WDR27: variants seen among roughly 807,000 people sequenced by gnomAD.
WDR27 encodes WD repeat domain 27, also known as WD repeat-containing protein 27.
WDR27 carries 100 observed loss-of-function variants against 114.4 expected under a neutral mutation model. The observed-to-expected ratio is 0.87, with a 90% CI of 0.74 to 1.03. The LOEUF (loss-of-function observed/expected upper bound fraction) is 1.03, where lower values mean the gene tolerates loss of function less well. Ranked by LOEUF, WDR27 falls within the 50% of genes least tolerant of loss-of-function variation. The probability of loss-of-function intolerance (pLI) is 0.00; values close to 1 mark genes in which losing one functional copy is unlikely to be tolerated. For missense variants in WDR27, 1,129 were observed against 1,092.9 expected (o/e 1.03, Z -0.47); for synonymous variants, 449 against 423.1 (o/e 1.06, Z -0.75).
intron 18 of WDR27, among the ~76,000 whole-genome samples, chr6:169,636,909 A>G (rs1817769288): frequency 2.0e-5 from 3 of 152,226 alleles, no homozygotes; most frequent in Admixed American, 6.5e-5. Context: ...GCTCTCAGCA[A>G]ACTCCTTCCT....
chr6:169,612,631 T>TAAAAAAAAAA lies in WDR27; in HGVS notation c.2321+918_2321+927dup, dbSNP rs59134868. ...TGACAGAGCGAGACTCTGTCTAACATAAAAAAAAAAAAAAAAAAAAAAGCA... is the reference window on the plus strand; with the variant it reads ...TGACAGAGCGAGACTCTGTCTAACATAAAAAAAAAAAAAAAAAAAAAAAAAAAAAAAAGCA... On this transcript the variant is annotated intron_variant, in intron 22 of 25. Transcript: ENST00000448612. Among the ~76,000 whole-genome samples, 12 of 97,018 alleles carry TAAAAAAAAAA rather than the reference T, an allele frequency of 1.2e-4. 1 individual carries two copies. Among genetic ancestry groups the TAAAAAAAAAA allele is most frequent in the South Asian group, 4.3e-4 (1 of 2,320 alleles). 63.6% of individuals were successfully genotyped at this position (97,018 alleles called of 152,430 possible).
intron 25 of WDR27, among the ~76,000 whole-genome samples, chr6:169,461,607 C>T (rs1483699331): frequency 7.1e-6 from 1 of 140,354 alleles, no homozygotes; most frequent in African/African-American, 2.7e-5. Flanking sequence ...ACAGCAAGAG[C>T]AATGTTAAGG....
chr6:169,495,947 A>C (rs1479392672), intron 25 of WDR27, among the ~76,000 whole-genome samples: 2 of 151,990 alleles, frequency 1.3e-5, no homozygotes, highest in Non-Finnish European at 2.9e-5. Context: ...TGATATCAAA[A>C]CCAAAGATTC....
At chr6:169,658,169 G>A (rs933834330) in intron 13 of WDR27, 107 bp downstream of exon 13, 7 of 850,360 alleles carry the variant, frequency 8.2e-6, no homozygotes, top group South Asian at 4.4e-5. Flanking sequence ...AAGGAAGTAC[G>A]GAATGCATAT....
intron 22 of WDR27, among the ~76,000 whole-genome samples, chr6:169,605,434 T>C (rs1808945256): frequency 6.6e-6 from 1 of 151,568 alleles, no homozygotes; most frequent in Non-Finnish European, 1.5e-5. Flanking sequence ...CGGAAAACTA[T>C]AAAACATCAA....
At chr6:169,678,788 C>T (rs1239648777) in intron 2 of WDR27, among the ~76,000 whole-genome samples, 1 of 152,158 alleles carries the variant, frequency 6.6e-6, no homozygotes. Flanking sequence ...ATTTCCTTGC[C>T]ATACCTTGAA....
chr6:169,701,674 G>C lies in WDR27; in HGVS notation c.-131C>G, dbSNP rs1788110644. 5.8e-6 allele frequency: 1 copy of C among 171,688 alleles called. No individual in the cohort carries two copies. Among genetic ancestry groups the C allele is most frequent in the Non-Finnish European group, 1.3e-5 (1 of 79,366 alleles). The allele number at this position is 171,688 out of a possible 1,614,324, so 10.6% of individuals were successfully genotyped here. On this transcript the variant is annotated 5_prime_UTR_variant, in exon 1 of 26. Coordinates refer to ENST00000448612, the MANE Select transcript of WDR27 (RefSeq NM_182552.5). ...CCCCTGGAGACCCTCGCACTAGCAC[G>C]GCGTCAGGAGGAGGCTTCGGGTGAC...
the WDR27 span, among the ~76,000 whole-genome samples, chr6:169,440,901 C>T: frequency 6.6e-6 from 1 of 152,190 alleles, no homozygotes; most frequent in South Asian, 2.1e-4. Context: ...TTTTCATCTG[C>T]TGAGTTGGTT....
At chr6:169,693,915 A>G (rs1018033192) in intron 1 of WDR27, among the ~76,000 whole-genome samples, 5 of 152,258 alleles carry the variant, frequency 3.3e-5, no homozygotes, top group African/African-American at 1.2e-4. Flanking sequence ...CTCCACTGAC[A>G]GCACTAGAAA....
At chr6:169,660,475 C>T (rs971905604) in intron 10 of WDR27, among the ~76,000 whole-genome samples, 188 bp downstream of exon 10, 1 of 152,112 alleles carries the variant, frequency 6.6e-6, no homozygotes, top group African/African-American at 2.4e-5. Context: ...CCCGAGGGTC[C>T]GGGAAGGGCC....
intron 25 of WDR27, among the ~76,000 whole-genome samples, chr6:169,488,539 G>A (rs914057719): frequency 6.6e-6 from 1 of 152,202 alleles, no homozygotes; most frequent in South Asian, 2.1e-4. Flanking sequence ...CTCCAGTTAC[G>A]TGTCTTCATA....
chr6:169,678,269 G>C (rs560019441), intron 2 of WDR27, among the ~76,000 whole-genome samples: 6 of 152,232 alleles, frequency 3.9e-5, no homozygotes, highest in Non-Finnish European at 8.8e-5. Flanking sequence ...CCCAGGCCTT[G>C]GGAGTCCACC....
intron 25 of WDR27, among the ~76,000 whole-genome samples, chr6:169,566,417 C>T (rs1800506229): frequency 6.6e-6 from 1 of 152,222 alleles, no homozygotes; most frequent in Non-Finnish European, 1.5e-5. Flanking sequence ...TGCCACAGAC[C>T]CTGAGAGTGG....
rs980395582 is a variant in WDR27 at position 169,616,495 on chromosome 6, T to G, written c.2224-2839A>C. ...GAGCAAGACTCCGTCTCCAAAAAAA[T>G]AAGAAGAAGAAGAAGAAGAAACTGA... On this transcript the variant is annotated intron_variant, in intron 21 of 25. Coordinates refer to ENST00000448612, the MANE Select transcript of WDR27 (RefSeq NM_182552.5). Among the ~76,000 whole-genome samples the G allele has an allele frequency of 5.3e-5, 8 of 151,238 alleles. No homozygotes were observed. In the South Asian group the frequency reaches 1.0e-3, roughly 20 times the overall value.
Position 169,686,922 on chromosome 6 carries a change from T to G in WDR27, c.189+1895A>C, listed in dbSNP as rs140511803. On this transcript the variant is annotated intron_variant, in intron 2 of 25. Coordinates refer to ENST00000448612, the MANE Select transcript of WDR27 (RefSeq NM_182552.5). The stretch of plus-strand genomic sequence containing the variant: ...CAAATATCACATGTTCTTACTCATA[T>G]GTGGAAACTTAAAAAGTGGATCTTG... Among the ~76,000 whole-genome samples the G allele has an allele frequency of 1.5e-3, 235 of 152,260 alleles. 2 individuals carry two copies. Among genetic ancestry groups the G allele is most frequent in the Non-Finnish European group, 2.1e-3 (141 of 67,990 alleles).
chr6:169,555,124 A>G (rs1252768193), intron 25 of WDR27, among the ~76,000 whole-genome samples: 1 of 152,220 alleles, frequency 6.6e-6, no homozygotes, highest in Non-Finnish European at 1.5e-5. Context: ...CTAAAATTCC[A>G]GTGGCACACA....
At chr6:169,562,991 C>A (rs1445481606) in intron 25 of WDR27, among the ~76,000 whole-genome samples, 2 of 152,040 alleles carry the variant, frequency 1.3e-5, no homozygotes, top group African/African-American at 4.8e-5. Context: ...GGGGAATGCC[C>A]GGAGCAAATG....
intron 2 of WDR27, among the ~76,000 whole-genome samples, chr6:169,685,510 A>T (rs1782678901): frequency 6.6e-6 from 1 of 152,156 alleles, no homozygotes; most frequent in Non-Finnish European, 1.5e-5. Context: ...GTATTATTTT[A>T]AAAAGAACCA....
intron 7 of WDR27, chr6:169,664,543 C>T: frequency 7.4e-7 from 1 of 1,345,072 alleles, no homozygotes; most frequent in Non-Finnish European, 9.6e-7. Context: ...ACTGTGCAGG[C>T]CTCCCCAAGA....
Sources: allele counts gnomAD v4.1 joint callset (sites outside exome capture counted in the v4.1 genomes callset), GRCh38; gene constraint gnomAD v4.1.1; transcripts MANE v1.5; gene names NCBI Gene and HGNC (gene_info 2026-07-23, HGNC 2026-07-21).